The following CTNNA3 variants were observed in gnomAD, a reference collection of about 807,000 sequenced individuals.
CTNNA3 encodes the protein catenin alpha-3.
In CTNNA3, 76 loss-of-function variants were observed where a neutral mutation model predicts 95.7. That is an observed-to-expected ratio of 0.79 (90% CI 0.66 to 0.96). CTNNA3 has a LOEUF of 0.96. Ranked by LOEUF, CTNNA3 falls within the 40% of genes least tolerant of loss-of-function variation. The probability of loss-of-function intolerance (pLI) is 0.00; values close to 1 mark genes in which losing one functional copy is unlikely to be tolerated. For missense variants in CTNNA3, 1,191 were observed against 1,089.8 expected (o/e 1.09, Z -1.31); for synonymous variants, 431 against 374.4 (o/e 1.15, Z -1.74).
intron 7 of CTNNA3, among the ~76,000 whole-genome samples, chr10:66,795,812 G>A (rs1224528305): frequency 6.6e-6 from 1 of 152,174 alleles, no homozygotes; most frequent in East Asian, 1.9e-4. Flanking sequence ...TTCTACATTA[G>A]CACTTGCTGC....
At position 66,590,534 on chromosome 10, in the gene CTNNA3, T is replaced by C. The variant is rs923952646; in HGVS notation, c.1374+31158A>G. Among the ~76,000 whole-genome samples, 4 of 152,072 alleles carry C rather than the reference T, an allele frequency of 2.6e-5. 1 individual carries two copies. Among genetic ancestry groups the C allele is most frequent in the Non-Finnish European group, 5.9e-5 (4 of 67,968 alleles). ...TCTGATTATGATTCGGTTAAAACAGTCTAAAAAGTGAATTAGGAAAATATA... is the reference window on the plus strand; with the variant it reads ...TCTGATTATGATTCGGTTAAAACAGCCTAAAAAGTGAATTAGGAAAATATA... On this transcript the variant is annotated intron_variant, in intron 10 of 17. Coordinates refer to ENST00000433211, the MANE Select transcript of CTNNA3 (RefSeq NM_013266.4).
intron 5 of CTNNA3, among the ~76,000 whole-genome samples, chr10:67,414,154 C>A (rs1246671093): frequency 6.6e-6 from 1 of 151,872 alleles, no homozygotes; most frequent in Non-Finnish European, 1.5e-5. Context: ...AGAATTGGTT[C>A]TTTGAAAAAC....
chr10:66,787,535 G>A (rs1422920103), intron 7 of CTNNA3, among the ~76,000 whole-genome samples: 1 of 151,988 alleles, frequency 6.6e-6, no homozygotes, highest in Non-Finnish European at 1.5e-5. Flanking sequence ...TGCTAAATAA[G>A]TTGTCTTTAA....
chr10:67,719,955 A>G (rs558075278), intron 1 of CTNNA3, among the ~76,000 whole-genome samples: 1 of 151,822 alleles, frequency 6.6e-6, no homozygotes, highest in Non-Finnish European at 1.5e-5. Flanking sequence ...GTAGGTCTCT[A>G]AGAACTTGCT....
chr10:66,305,202 C>T (rs1344507404), intron 12 of CTNNA3, among the ~76,000 whole-genome samples: 1 of 152,128 alleles, frequency 6.6e-6, no homozygotes, highest in Non-Finnish European at 1.5e-5. Flanking sequence ...ATGACAAAAA[C>T]TATCTCCCTA....
At chr10:66,744,220 TG>T (rs758193744) in intron 9 of CTNNA3, among the ~76,000 whole-genome samples, 7 of 152,152 alleles carry the variant, frequency 4.6e-5, no homozygotes, top group Non-Finnish European at 8.8e-5. Context: ...AGAACTGATA[TG>T]ATCAATTTGT....
chr10:65,949,476 G>A (rs2077575219), intron 17 of CTNNA3, among the ~76,000 whole-genome samples: 1 of 152,130 alleles, frequency 6.6e-6, no homozygotes, highest in Non-Finnish European at 1.5e-5. Context: ...ACACAATGAT[G>A]CTACTATTTG....
intron 9 of CTNNA3, among the ~76,000 whole-genome samples, chr10:66,679,624 T>C (rs148230594): frequency 1.3e-5 from 2 of 152,318 alleles, no homozygotes; most frequent in African/African-American, 4.8e-5. Context: ...CCAGAAGTAT[T>C]CTTCATTTTT....
intron 5 of CTNNA3, among the ~76,000 whole-genome samples, chr10:67,498,752 T>C (rs1435495165): frequency 6.6e-6 from 1 of 152,190 alleles, no homozygotes; most frequent in Non-Finnish European, 1.5e-5. Context: ...TATTGGCATA[T>C]AGGAATGCTT....
chr10:66,978,552 A>AAATAAAAAAAAATATATATATATATATAT, intron 7 of CTNNA3, among the ~76,000 whole-genome samples: 50 of 37,878 alleles, frequency 1.3e-3, no homozygotes, highest in South Asian at 3.5e-3. Flanking sequence ...AAAAAAAAAA[A>AAATAAAAAAAAATATATATATATATATAT]ATATATATAT....
At chr10:66,440,334 T>G (rs1264909944) in intron 11 of CTNNA3, among the ~76,000 whole-genome samples, 1 of 152,148 alleles carries the variant, frequency 6.6e-6, no homozygotes, top group Non-Finnish European at 1.5e-5. Context: ...TATTTCAGAT[T>G]TGCCTATTTT....
chr10:66,803,999 T>G (rs1841542447), intron 7 of CTNNA3, among the ~76,000 whole-genome samples: 1 of 151,782 alleles, frequency 6.6e-6, no homozygotes, highest in South Asian at 2.1e-4. Context: ...TGTGCATGTA[T>G]TGTTTTTGGT....
At chr10:67,078,586 G>A (rs985873880) in intron 7 of CTNNA3, among the ~76,000 whole-genome samples, 2 of 151,638 alleles carry the variant, frequency 1.3e-5, no homozygotes, top group African/African-American at 2.4e-5. Context: ...GTGCAATCTC[G>A]GCTCACTGCA....
chr10:66,995,400 C>T (rs761908223), intron 7 of CTNNA3, among the ~76,000 whole-genome samples: 66 of 152,200 alleles, frequency 4.3e-4, no homozygotes, highest in Admixed American at 5.9e-4. Flanking sequence ...TCATCTCTTA[C>T]ATGGCCCATG....
chr10:66,914,578 A>C (rs1846389108), intron 7 of CTNNA3, among the ~76,000 whole-genome samples: 1 of 151,216 alleles, frequency 6.6e-6, no homozygotes, highest in Non-Finnish European at 1.5e-5. Context: ...ATATCCTCAC[A>C]GTGAGAAAAA....
intron 9 of CTNNA3, among the ~76,000 whole-genome samples, chr10:66,632,793 C>A (rs7087050): frequency 0.37 from 56,611 of 151,380 alleles, 10,772 homozygotes; most frequent in Middle Eastern, 0.5. Flanking sequence ...ATAGGCAAAA[C>A]TTTGTTTTTA....
At chr10:66,059,893 G>A (rs771110937) in intron 15 of CTNNA3, among the ~76,000 whole-genome samples, 1 of 152,042 alleles carries the variant, frequency 6.6e-6, no homozygotes, top group East Asian at 1.9e-4. Context: ...GGTGCTTAGA[G>A]CAGCTTTACT....
intron 1 of CTNNA3, among the ~76,000 whole-genome samples, chr10:67,710,409 T>C (rs755008908): frequency 5.9e-5 from 9 of 152,120 alleles, no homozygotes; most frequent in African/African-American, 9.7e-5. Flanking sequence ...GATATCCCCA[T>C]TGTTACTTAT....
chr10:66,781,821 C>T (rs1317687375), intron 7 of CTNNA3, among the ~76,000 whole-genome samples: 1 of 152,116 alleles, frequency 6.6e-6, no homozygotes, highest in Non-Finnish European at 1.5e-5. Flanking sequence ...TTTACACGTA[C>T]TGTCTCAACT....
Sources: gnomAD v4.1 joint callset for allele counts (sites outside exome capture counted in the v4.1 genomes callset) on GRCh38, gnomAD v4.1.1 for gene constraint, MANE v1.5 for transcripts, NCBI Gene and HGNC (gene_info 2026-07-23, HGNC 2026-07-21) for gene names.